The following RPA2 variants were observed in gnomAD, a reference collection of about 807,000 sequenced individuals.
The protein encoded by RPA2 is replication protein A 32 kDa subunit.
In RPA2, 22 loss-of-function variants were observed where a neutral mutation model predicts 33.4. That is an observed-to-expected ratio of 0.66 (90% confidence interval 0.47 to 0.94). The LOEUF (loss-of-function observed/expected upper bound fraction) is 0.94. RPA2 is among the 40% of genes least tolerant of loss of function. RPA2 has a pLI of 0.00. For synonymous variants in RPA2, 109 were observed against 114.9 expected, an observed-to-expected ratio of 0.95 and a Z score of 0.33; for missense variants, 279 against 329.9, an observed-to-expected ratio of 0.85 and a Z score of 1.19.
intron 2 of RPA2, among the ~76,000 whole-genome samples, chr1:27,907,951 C>T (rs1161907407): frequency 6.6e-6 from 1 of 152,086 alleles, no homozygotes; most frequent in Non-Finnish European, 1.5e-5. Flanking sequence ...CGGGCTCAAG[C>T]GATTCTCCTG....
intron 2 of RPA2, among the ~76,000 whole-genome samples, chr1:27,911,997 G>A (rs1192803947): frequency 2.0e-5 from 3 of 152,096 alleles, no homozygotes; most frequent in Non-Finnish European, 4.4e-5. Flanking sequence ...GGGAGGCTGA[G>A]GCAGGAGAAT....
intron 4 of RPA2, among the ~76,000 whole-genome samples, chr1:27,904,347 C>T (rs1244749500): frequency 6.6e-6 from 1 of 152,074 alleles, no homozygotes; most frequent in Non-Finnish European, 1.5e-5. Context: ...AATAGTAGTT[C>T]TTTAAGAGAC....
chr1:27,914,722 G>A, upstream of RPA2: 3 of 1,585,200 alleles, frequency 1.9e-6, no homozygotes, highest in Non-Finnish European at 2.6e-6. Context: ...CCATCTTTAC[G>A]AAGGGCAAAA....
rs1171728560 is a variant in RPA2, at chr1:27,894,559, T to C, written c.526-162A>G. On this transcript the variant is annotated intron_variant, in intron 6 of 8. Transcript: ENST00000373912. Reference sequence around the variant, plus strand: ...GAGTGGACAGCTATTATCTAATGAGTATTTCACAGGAAGATAAAGTAACTC... The same window carrying C: ...GAGTGGACAGCTATTATCTAATGAGCATTTCACAGGAAGATAAAGTAACTC... Among the ~76,000 whole-genome samples the C allele has an allele frequency of 3.9e-5, 6 of 152,290 alleles. No homozygotes were observed. The East Asian group carries it at 1.2e-3, about 29-fold the overall frequency.
rs371007532 is a variant in RPA2 at position 27,907,515 on chromosome 1, A to G, written c.118-233T>C. ...CAGAGCTCCTGCTGAATAGATACACATGTTGCTCTGAGAATTCACCAAAAT... is the reference window on the plus strand; with the variant it reads ...CAGAGCTCCTGCTGAATAGATACACGTGTTGCTCTGAGAATTCACCAAAAT... On this transcript the variant is annotated intron_variant, in intron 2 of 8. Coordinates refer to ENST00000373912, the MANE Select transcript of RPA2 (RefSeq NM_002946.5). 5.4e-4 allele frequency among the ~76,000 whole-genome samples: 82 copies of G among 152,266 alleles called. 1 individual carries two copies. In the South Asian group the frequency reaches 6.8e-3, roughly 13 times the overall value.
chr1:27,897,570 G>A, intron 5 of RPA2, 63 bp downstream of exon 5: 3 of 1,198,086 alleles, frequency 2.5e-6, no homozygotes, highest in Non-Finnish European at 3.6e-6. Context: ...CAAAAGCCAT[G>A]ACATGAATCT....
At chr1:27,898,583 T>TC (rs1231988792) in intron 4 of RPA2, among the ~76,000 whole-genome samples, 5 of 151,314 alleles carry the variant, frequency 3.3e-5, no homozygotes, top group African/African-American at 9.7e-5. Context: ...TCTTGCTCTG[T>TC]CACCCAGACT....
At chr1:27,895,718 G>GA (rs766484419) in intron 6 of RPA2, among the ~76,000 whole-genome samples, 2 of 152,066 alleles carry the variant, frequency 1.3e-5, no homozygotes, top group Non-Finnish European at 2.9e-5. Flanking sequence ...GCGAAAGAGC[G>GA]AGACTCTGTC....
At chr1:27,893,831 A>G (rs2089855771) in intron 8 of RPA2, among the ~76,000 whole-genome samples, 181 bp downstream of exon 8, 1 of 150,778 alleles carries the variant, frequency 6.6e-6, no homozygotes, top group African/African-American at 2.4e-5. Flanking sequence ...CTGGTCTCGA[A>G]CTCCTGACCT....
At chr1:27,899,951 A>G (rs2089946824) in intron 4 of RPA2, among the ~76,000 whole-genome samples, 1 of 152,164 alleles carries the variant, frequency 6.6e-6, no homozygotes, top group Non-Finnish European at 1.5e-5. Context: ...AAGTGCTGGG[A>G]TTACAGGCGT....
intron 4 of RPA2, among the ~76,000 whole-genome samples, chr1:27,900,111 GATTT>G (rs1229808432): frequency 1.3e-5 from 2 of 152,184 alleles, no homozygotes; most frequent in Non-Finnish European, 2.9e-5. Flanking sequence ...ACCCAGCTGA[GATTT>G]ATTTATTTGG....
chr1:27,910,072 T>C (rs2090079563), intron 2 of RPA2, among the ~76,000 whole-genome samples: 1 of 152,190 alleles, frequency 6.6e-6, no homozygotes, highest in Non-Finnish European at 1.5e-5. Context: ...TGTTTTTACC[T>C]ATCACAGCTG....
At chr1:27,907,552 A>G (rs546369892) in intron 2 of RPA2, among the ~76,000 whole-genome samples, 1 of 152,202 alleles carries the variant, frequency 6.6e-6, no homozygotes. Flanking sequence ...AATAGGTCAG[A>G]GTGGGGGACA....
At chr1:27,904,265 G>A (rs1431648283) in intron 4 of RPA2, among the ~76,000 whole-genome samples, 1 of 152,242 alleles carries the variant, frequency 6.6e-6, no homozygotes, top group East Asian at 1.9e-4. Context: ...CAGTAAAAGA[G>A]GTATGTGGAC....
At chr1:27,899,697 T>C (rs2089942383) in intron 4 of RPA2, among the ~76,000 whole-genome samples, 1 of 152,038 alleles carries the variant, frequency 6.6e-6, no homozygotes, top group Non-Finnish European at 1.5e-5. Context: ...TTCTTTTTTT[T>C]TGAGACAGAG....
In RPA2 at chr1:27,897,616, T is replaced by C. The variant is rs1444814677; in HGVS notation, c.408+17A>G. On this transcript the variant is annotated intron_variant, in intron 5 of 8. Transcript: ENST00000373912. ...TCATGCAAAAACACTTTAACTGTTATTTTATTCTGACTTTACCTGAAAAGA... is the reference window on the plus strand; with the variant it reads ...TCATGCAAAAACACTTTAACTGTTACTTTATTCTGACTTTACCTGAAAAGA... 1.3e-6 allele frequency: 2 copies of C among 1,578,628 alleles called. No individual in the cohort carries two copies. The highest frequency in any genetic ancestry group is 1.2e-5 in the South Asian group (1 of 83,724).
rs149214103 is a variant in RPA2, at chr1:27,901,786, G to A, written c.334-4079C>T. On this transcript the variant is annotated intron_variant, in intron 4 of 8. Coordinates refer to ENST00000373912, the MANE Select transcript of RPA2 (RefSeq NM_002946.5). ...ATTTTTCAAAATTATTTCTTTTTGA[G>A]ATAGGGTCTTCCCATGCTGCCCAGG... 1.6e-4 allele frequency among the ~76,000 whole-genome samples: 24 copies of A among 152,064 alleles called. 2 individuals are homozygous for A. In the East Asian group the frequency reaches 4.6e-3, roughly 29 times the overall value.
At chr1:27,900,587 G>A (rs2089955793) in intron 4 of RPA2, among the ~76,000 whole-genome samples, 1 of 152,058 alleles carries the variant, frequency 6.6e-6, no homozygotes, top group South Asian at 2.1e-4. Context: ...GAAATAGCAG[G>A]AGAACTGGAA....
Position 27,894,073 on chromosome 1 carries a change from C to A in RPA2, c.667G>T (p.Glu223Ter). ...TTGAGATCCTGAAAGTTCAACCCTT[C>A]AGGTCTTGGACAAGCCTTAATCAAA... ...LNLIKACPRP[E>*]GLNFQDLKNQ... Residue 223 changes from glutamate (E) to a stop codon, truncating the protein, a stop_gained, in exon 8 of 9, where the codon GAA becomes TAA. Transcript: ENST00000373912. LOFTEE classifies it high-confidence loss of function. 6.2e-7 allele frequency: 1 copy of A among 1,614,144 alleles called. No homozygotes were observed.
Sources: gnomAD v4.1 joint callset for allele counts (sites outside exome capture counted in the v4.1 genomes callset) on GRCh38, gnomAD v4.1.1 for gene constraint, MANE v1.5 for transcripts, NCBI Gene and HGNC (gene_info 2026-07-23, HGNC 2026-07-21) for gene names.